SLC1A2: variants seen among roughly 807,000 people sequenced by gnomAD.
The protein encoded by SLC1A2 is excitatory amino acid transporter 2.
Under a neutral mutation model 48.8 loss-of-function variants are expected in SLC1A2, and 15 were observed. The observed-to-expected ratio is 0.31, with a 90% CI of 0.21 to 0.47. The LOEUF is 0.47. SLC1A2 is among the 20% of genes least tolerant of loss of function. SLC1A2 has a pLI of 0.99. For missense variants in SLC1A2, 502 were observed against 730.5 expected, an observed-to-expected ratio of 0.69 and a Z score of 3.61; for synonymous variants, 279 against 272.6, an observed-to-expected ratio of 1.02 and a Z score of -0.23.
intron 1 of SLC1A2, among the ~76,000 whole-genome samples, chr11:35,398,622 A>T (rs76088980): frequency 0.05 from 7,634 of 152,246 alleles, 295 homozygotes; most frequent in Non-Finnish European, 0.07. Context: ...CATGCAATTT[A>T]TCCATGTAAC....
chr11:35,354,298 AT>A (rs113607444), intron 1 of SLC1A2, among the ~76,000 whole-genome samples: 5 of 151,398 alleles, frequency 3.3e-5, no homozygotes, highest in Admixed American at 1.3e-4. Flanking sequence ...CAAAAAAAAA[AT>A]TTTTTTTTAA....
chr11:35,379,891 T>C (rs1335754634), intron 1 of SLC1A2, among the ~76,000 whole-genome samples: 1 of 152,224 alleles, frequency 6.6e-6, no homozygotes, highest in Non-Finnish European at 1.5e-5. Context: ...TTAGAAGCTA[T>C]GGCCATTTTA....
intron 6 of SLC1A2, among the ~76,000 whole-genome samples, chr11:35,295,740 CTACTGTATCCATTCT>C (rs1478817440): frequency 4.6e-5 from 7 of 152,190 alleles, no homozygotes; most frequent in Non-Finnish European, 7.3e-5. Flanking sequence ...CTTTTTCTTA[CTACTGTATCCATTCT>C]AGCCTCCACC....
At chr11:35,373,100 A>T (rs571090005) in intron 1 of SLC1A2, among the ~76,000 whole-genome samples, 148 of 152,248 alleles carry the variant, frequency 9.7e-4, no homozygotes, top group African/African-American at 3.3e-3. Flanking sequence ...AGCACGACAC[A>T]CCAGAGCAGG....
intron 1 of SLC1A2, among the ~76,000 whole-genome samples, chr11:35,354,281 G>C (rs931583763): frequency 1.3e-5 from 2 of 151,762 alleles, no homozygotes; most frequent in African/African-American, 2.4e-5. Context: ...ACAAGACCCC[G>C]TGTCTACAAA....
intron 1 of SLC1A2, among the ~76,000 whole-genome samples, chr11:35,318,473 G>A (rs1851953458): frequency 6.6e-6 from 1 of 152,236 alleles, no homozygotes; most frequent in Non-Finnish European, 1.5e-5. Context: ...CACCTAGAAA[G>A]AGAGGTGTCT....
At position 35,251,582 on chromosome 11, in the gene SLC1A2, T is replaced by A. The variant is rs1950239142; in HGVS notation, c.*9312A>T. 1 of 152,428 alleles carries A rather than the reference T, an allele frequency of 6.6e-6. No individual in the cohort carries two copies. The highest frequency in any genetic ancestry group is 1.5e-5 in the Non-Finnish European group (1 of 68,052). 9.4% of individuals were successfully genotyped at this position (152,428 alleles called of 1,614,324 possible). ...AATGTGAGGAATACAATTAGTTTTA[T>A]CTTTTGTTCTGGACATACAAGAATT... On this transcript the variant is annotated 3_prime_UTR_variant, in exon 11 of 11. Coordinates refer to ENST00000278379, the MANE Select transcript of SLC1A2 (RefSeq NM_004171.4).
chr11:35,379,074 C>T (rs1163902529), intron 1 of SLC1A2, among the ~76,000 whole-genome samples: 1 of 152,072 alleles, frequency 6.6e-6, no homozygotes, highest in Non-Finnish European at 1.5e-5. Context: ...ACTAAAAATA[C>T]AAAAGTAGCC....
chr11:35,404,005 G>T (rs570185050), intron 1 of SLC1A2, among the ~76,000 whole-genome samples: 3 of 145,846 alleles, frequency 2.1e-5, no homozygotes, highest in African/African-American at 7.5e-5. Flanking sequence ...CTCCACGGGC[G>T]CCTCCTAAGG....
intron 1 of SLC1A2, among the ~76,000 whole-genome samples, chr11:35,393,282 G>A (rs1313477131): frequency 6.6e-6 from 1 of 152,176 alleles, no homozygotes; most frequent in Non-Finnish European, 1.5e-5. Flanking sequence ...TGTCCTTAAC[G>A]CCTAGCAGAG....
intron 1 of SLC1A2, among the ~76,000 whole-genome samples, chr11:35,323,867 C>T (rs372831687): frequency 6.6e-5 from 10 of 152,346 alleles, no homozygotes; most frequent in East Asian, 3.8e-4. Context: ...ACAATTCAGA[C>T]GTGAGCATCT....
At chr11:35,361,712 C>T (rs1853686536) in intron 1 of SLC1A2, among the ~76,000 whole-genome samples, 2 of 152,246 alleles carry the variant, frequency 1.3e-5, no homozygotes, top group South Asian at 4.1e-4. Context: ...TACGGTGGCT[C>T]ACACCTGTAA....
intron 1 of SLC1A2, among the ~76,000 whole-genome samples, chr11:35,361,201 G>T (rs1244727425): frequency 6.6e-6 from 1 of 151,982 alleles, no homozygotes; most frequent in African/African-American, 2.4e-5. Context: ...AGATGATGGG[G>T]GTCAAATCAG....
chr11:35,280,476 T>C (rs574217267), intron 9 of SLC1A2: 74 of 160,116 alleles, frequency 4.6e-4, no homozygotes, highest in Middle Eastern at 3.0e-3. Context: ...ACTGATCTCT[T>C]TCTATTGATA....
chr11:35,254,340 T>C lies in SLC1A2; in HGVS notation c.*6554A>G, dbSNP rs756930635. On this transcript the variant is annotated 3_prime_UTR_variant, in exon 11 of 11. Transcript: ENST00000278379. The stretch of plus-strand genomic sequence containing the variant: ...AGAGAAAGGGAGGGAGTTAAGGTGA[T>C]TTGTAGAAAAATCTAGATGCCAAAG... The C allele has an allele frequency of 6.3e-6, 1 of 158,042 alleles. No individual in the cohort carries two copies. The highest frequency in any genetic ancestry group is 1.4e-5 in the Non-Finnish European group (1 of 71,178). 9.8% of individuals were successfully genotyped at this position (158,042 alleles called of 1,614,324 possible).
rs1950374056 is a variant in SLC1A2, at chr11:35,260,321, T to A, written c.*573A>T. 6.8e-6 allele frequency: 1 copy of A among 147,684 alleles called. No homozygotes were observed. The highest frequency in any genetic ancestry group is 2.1e-4 in the South Asian group (1 of 4,838). 9.1% of individuals were successfully genotyped at this position (147,684 alleles called of 1,614,324 possible). A position where few individuals can be genotyped will look rare whatever the true frequency, so the allele number is the denominator to read the frequency against. On this transcript the variant is annotated 3_prime_UTR_variant, in exon 11 of 11. Transcript: ENST00000278379. Reference sequence around the variant, plus strand: ...CCTTTAAAACTGTCTTTGAAACATTTTACTTAAAGAGCATATGGAAGATAA... The same window carrying A: ...CCTTTAAAACTGTCTTTGAAACATTATACTTAAAGAGCATATGGAAGATAA...
Position 35,272,061 on chromosome 11 carries a change from A to G in SLC1A2, c.1422-6303T>C, listed in dbSNP as rs551798623. ...GCAGATGGAAATGGAAAGGAGATCA[A>G]ATTTGTGTTTTGTTTTAAGAGGTAG... On this transcript the variant is annotated intron_variant, in intron 9 of 10. Transcript: ENST00000278379. Among the ~76,000 whole-genome samples the G allele has an allele frequency of 4.6e-5, 7 of 152,300 alleles. No individual in the cohort carries two copies. In the South Asian group the frequency reaches 1.5e-3, roughly 32 times the overall value.
At chr11:35,302,283 C>T (rs1463491583) in intron 5 of SLC1A2, among the ~76,000 whole-genome samples, 3 of 152,084 alleles carry the variant, frequency 2.0e-5, no homozygotes, top group Non-Finnish European at 4.4e-5. Flanking sequence ...TAAATGTAAT[C>T]TGTTATTTAT....
upstream of SLC1A2, chr11:35,419,724 GC>G: frequency 5.3e-6 from 1 of 188,284 alleles, no homozygotes. The surrounding 1 kb of genome is among the most constrained non-coding windows in gnomAD (Gnocchi z 5.4). Context: ...GGTGGCAGGA[GC>G]CCAGGATCTA....
Sources: allele counts gnomAD v4.1 joint callset (sites outside exome capture counted in the v4.1 genomes callset), GRCh38; gene constraint gnomAD v4.1.1; non-coding constraint Gnocchi (gnomAD v3.1); transcripts MANE v1.5; gene names NCBI Gene and HGNC (gene_info 2026-07-23, HGNC 2026-07-21).